The following LRP1B variants were observed in gnomAD, a reference collection of about 807,000 sequenced individuals.
LRP1B encodes low-density lipoprotein receptor-related protein 1B.
Under a neutral mutation model 556.6 loss-of-function variants are expected in LRP1B, and 217 were observed. That is an observed-to-expected ratio of 0.39 (90% CI 0.35 to 0.44). The LOEUF (loss-of-function observed/expected upper bound fraction) is 0.44. LRP1B is among the 20% of genes least tolerant of loss of function. The pLI, the probability that LRP1B is intolerant of heterozygous loss-of-function variation, is 1.00. For synonymous variants in LRP1B, 2,047 were observed against 1,865.8 expected (o/e 1.10, Z -2.50); for missense variants, 5,053 against 5,620.8 (o/e 0.90, Z 3.23).
intron 31 of LRP1B, among the ~76,000 whole-genome samples, chr2:140,836,035 T>C (rs1691891369): frequency 6.6e-6 from 1 of 151,986 alleles, no homozygotes; most frequent in Non-Finnish European, 1.5e-5. Flanking sequence ...CACATCTGTA[T>C]GTACATATCA....
At chr2:140,538,736 G>A (rs1465933751) in intron 45 of LRP1B, among the ~76,000 whole-genome samples, 13 of 151,900 alleles carry the variant, frequency 8.6e-5, no homozygotes, top group Admixed American at 8.6e-4. Context: ...ACAAAATTCA[G>A]CCACTTCTTG....
chr2:140,789,463 C>T (rs964398121), intron 32 of LRP1B, among the ~76,000 whole-genome samples: 8 of 152,058 alleles, frequency 5.3e-5, no homozygotes, highest in African/African-American at 1.9e-4. Flanking sequence ...CTGTTTAACC[C>T]TTCAACTGGC....
intron 7 of LRP1B, among the ~76,000 whole-genome samples, chr2:141,076,591 C>G (rs1232744946): frequency 6.6e-6 from 1 of 152,092 alleles, no homozygotes; most frequent in Non-Finnish European, 1.5e-5. Flanking sequence ...AAAATTCAAC[C>G]TGAGGATGCA....
At chr2:140,834,880 A>C (rs550500475) in intron 31 of LRP1B, among the ~76,000 whole-genome samples, 1 of 152,288 alleles carries the variant, frequency 6.6e-6, no homozygotes, top group East Asian at 1.9e-4. Flanking sequence ...CCCTAAATCA[A>C]ATGCTATTAT....
At chr2:141,768,608 G>A (rs1694801875) in intron 2 of LRP1B, among the ~76,000 whole-genome samples, 1 of 152,114 alleles carries the variant, frequency 6.6e-6, no homozygotes, top group Non-Finnish European at 1.5e-5. Flanking sequence ...CTAATCATGA[G>A]TATGCTCAAA....
At chr2:141,579,723 A>ATTTTTTTTTTTTTTTTTTTTTTTTT (rs1559153915) in intron 2 of LRP1B, among the ~76,000 whole-genome samples, 3 of 31,136 alleles carry the variant, frequency 9.6e-5, no homozygotes, top group Non-Finnish European at 2.0e-4. Flanking sequence ...ATCAGGTTTC[A>ATTTTTTTTTTTTTTTTTTTTTTTTT]CTTTTTTTTT....
At chr2:142,058,344 A>G (rs1249553985) in intron 1 of LRP1B, among the ~76,000 whole-genome samples, 1 of 152,012 alleles carries the variant, frequency 6.6e-6, no homozygotes, top group Non-Finnish European at 1.5e-5. Context: ...CCCACATTCA[A>G]CAGGTCATCT....
At chr2:141,950,442 G>A (rs1701075284) in intron 1 of LRP1B, among the ~76,000 whole-genome samples, 1 of 152,114 alleles carries the variant, frequency 6.6e-6, no homozygotes, top group Non-Finnish European at 1.5e-5. Flanking sequence ...GGAATCCAGT[G>A]ATTACTAGCT....
intron 2 of LRP1B, among the ~76,000 whole-genome samples, chr2:141,520,288 G>A (rs541223552): frequency 1.3e-5 from 2 of 152,250 alleles, no homozygotes; most frequent in East Asian, 3.9e-4. Context: ...ATGAAAAGCA[G>A]TCCCATGAAG....
chr2:141,662,655 T>C (rs1210143887), intron 2 of LRP1B, among the ~76,000 whole-genome samples: 3 of 151,922 alleles, frequency 2.0e-5, no homozygotes, highest in Admixed American at 1.3e-4. Context: ...ATTCACCCCA[T>C]ACAGGAGCAC....
At chr2:141,781,532 T>A (rs1043972855) in intron 2 of LRP1B, among the ~76,000 whole-genome samples, 5 of 152,232 alleles carry the variant, frequency 3.3e-5, no homozygotes, top group South Asian at 2.1e-4. Context: ...CACACAATTT[T>A]TTCACTCTCT....
intron 2 of LRP1B, chr2:141,805,640 G>T (rs1696145512): frequency 6.6e-6 from 1 of 152,102 alleles, no homozygotes; most frequent in Non-Finnish European, 1.5e-5. Flanking sequence ...CTACAACAAA[G>T]ATTTGGCAAA....
chr2:141,477,064 G>C (rs1682734303), intron 3 of LRP1B, among the ~76,000 whole-genome samples: 3 of 151,886 alleles, frequency 2.0e-5, no homozygotes, highest in African/African-American at 7.3e-5. Context: ...CAGAGGTCAT[G>C]GTGAGCCGAG....
chr2:141,779,127 G>A (rs1034298166), intron 2 of LRP1B, among the ~76,000 whole-genome samples: 2 of 152,078 alleles, frequency 1.3e-5, no homozygotes, highest in South Asian at 2.1e-4. Flanking sequence ...TATATAACAC[G>A]TTGAAAGCCA....
chr2:141,135,548 C>G (rs1323131144), intron 7 of LRP1B, among the ~76,000 whole-genome samples: 1 of 151,942 alleles, frequency 6.6e-6, no homozygotes, highest in Non-Finnish European at 1.5e-5. Flanking sequence ...GATAGAACTA[C>G]AAATAAACTG....
chr2:141,288,826 T>A (rs16845749), intron 3 of LRP1B, among the ~76,000 whole-genome samples: 15,382 of 151,976 alleles, frequency 0.1, 918 homozygotes, highest in East Asian at 0.16. Context: ...CCTCTGAAAC[T>A]TCCCTTCATA....
At chr2:140,315,884 A>G (rs16843758) in intron 82 of LRP1B, among the ~76,000 whole-genome samples, 2,577 of 152,210 alleles carry the variant, frequency 0.017, 80 homozygotes, top group African/African-American at 0.059. Context: ...TCCCAAACTA[A>G]AAGTCATTGA....
chr2:141,077,911 G>C (rs1699831495), intron 7 of LRP1B, among the ~76,000 whole-genome samples: 2 of 151,190 alleles, frequency 1.3e-5, no homozygotes, highest in African/African-American at 4.9e-5. Context: ...CTGTCTACTT[G>C]ATTTGGGTAA....
At chr2:142,099,315 C>T (rs1360674797) in intron 1 of LRP1B, among the ~76,000 whole-genome samples, 1 of 151,740 alleles carries the variant, frequency 6.6e-6, no homozygotes, top group Non-Finnish European at 1.5e-5. Flanking sequence ...AATCTAATTG[C>T]AACAGTAGTT....
Sources: gnomAD v4.1 joint callset for allele counts (sites outside exome capture counted in the v4.1 genomes callset) on GRCh38, gnomAD v4.1.1 for gene constraint, MANE v1.5 for transcripts, NCBI Gene and HGNC (gene_info 2026-07-23, HGNC 2026-07-21) for gene names.